SENP7: variants seen among roughly 807,000 people sequenced by gnomAD.
SENP7 encodes SUMO specific peptidase 7.
SENP7 carries 64 observed loss-of-function variants against 141.2 expected under a neutral mutation model. The ratio of observed to expected loss-of-function variants is 0.45; its 90% CI spans 0.37 to 0.56. The LOEUF is 0.56. SENP7 is among the 20% of genes least tolerant of loss of function. The pLI, the probability that SENP7 is intolerant of heterozygous loss-of-function variation, is 0.00. For synonymous variants in SENP7, 382 were observed against 426.4 expected (o/e 0.90, Z 1.28); for missense variants, 1,025 against 1,212.2 (o/e 0.85, Z 2.29).
At chr3:101,427,550 A>G (rs2062005508) in intron 4 of SENP7, among the ~76,000 whole-genome samples, 2 of 151,796 alleles carry the variant, frequency 1.3e-5, no homozygotes, top group African/African-American at 4.8e-5. Flanking sequence ...CAAAAACCAC[A>G]TGATTACCTC....
At chr3:101,498,052 C>A (rs1006060868) in intron 2 of SENP7, among the ~76,000 whole-genome samples, 60 of 152,288 alleles carry the variant, frequency 3.9e-4, no homozygotes, top group African/African-American at 1.4e-3. Flanking sequence ...CCACCTTGGC[C>A]TCCCAAAGTG....
intron 20 of SENP7, among the ~76,000 whole-genome samples, chr3:101,329,279 A>G (rs1162489404): frequency 6.6e-6 from 1 of 152,182 alleles, no homozygotes; most frequent in Non-Finnish European, 1.5e-5. Context: ...TGACCTTGGA[A>G]TCCTGCTTAT....
chr3:101,401,582 AAT>A (rs2061145341), intron 5 of SENP7, among the ~76,000 whole-genome samples: 1 of 152,134 alleles, frequency 6.6e-6, no homozygotes, highest in East Asian at 1.9e-4. Context: ...TGAACACACA[AAT>A]AATAAGAAAG....
chr3:101,478,505 A>T (rs1233271359), intron 3 of SENP7, among the ~76,000 whole-genome samples: 1 of 152,204 alleles, frequency 6.6e-6, no homozygotes, highest in Non-Finnish European at 1.5e-5. Context: ...AGCCTGGACA[A>T]CAGAGCAAGA....
rs146918581 is a variant in SENP7 at position 101,386,929 on chromosome 3, C to A, written c.677+11932G>T. ...GCACTAGCACATGCCATACAGGGGCCTAAAAATAGGCAAGCCCTGCCAACG... is the reference window on the plus strand; with the variant it reads ...GCACTAGCACATGCCATACAGGGGCATAAAAATAGGCAAGCCCTGCCAACG... On this transcript the variant is annotated intron_variant, in intron 6 of 23. Transcript: ENST00000394095. Among the ~76,000 whole-genome samples, 176 of 152,326 alleles carry A rather than the reference C, an allele frequency of 1.2e-3. 2 individuals carry two copies. In the East Asian group the frequency reaches 0.029, roughly 25 times the overall value.
chr3:101,464,961 A>C (rs545119489), intron 3 of SENP7, among the ~76,000 whole-genome samples: 7 of 152,216 alleles, frequency 4.6e-5, no homozygotes, highest in Non-Finnish European at 8.8e-5. Flanking sequence ...TTTAAAAAAG[A>C]ATGAAAATAC....
intron 6 of SENP7, among the ~76,000 whole-genome samples, chr3:101,376,787 A>T (rs531196189): frequency 7.2e-5 from 11 of 152,298 alleles, no homozygotes; most frequent in East Asian, 5.8e-4. Flanking sequence ...AGTATAATTT[A>T]AAAAAATGCA....
chr3:101,433,488 G>A (rs2062263139), intron 4 of SENP7, among the ~76,000 whole-genome samples: 1 of 151,986 alleles, frequency 6.6e-6, no homozygotes, highest in Non-Finnish European at 1.5e-5. Flanking sequence ...CTGGCTGAAT[G>A]GATGAAAAAC....
At chr3:101,342,232 G>A (rs2059345553) in intron 14 of SENP7, among the ~76,000 whole-genome samples, 1 of 152,072 alleles carries the variant, frequency 6.6e-6, no homozygotes, top group Non-Finnish European at 1.5e-5. Flanking sequence ...CACTAATGTG[G>A]CTTTCTATAG....
intron 3 of SENP7, among the ~76,000 whole-genome samples, chr3:101,463,404 T>C (rs1325594638): frequency 1.8e-5 from 2 of 110,316 alleles, no homozygotes; most frequent in Non-Finnish European, 3.7e-5. Flanking sequence ...TATACATATA[T>C]ATATATATAT....
At chr3:101,465,391 C>T (rs59255886) in intron 3 of SENP7, among the ~76,000 whole-genome samples, 1,530 of 152,298 alleles carry the variant, frequency 0.01, 28 homozygotes, top group African/African-American at 0.035. Context: ...ACACACCACT[C>T]AGGCAACTAA....
At chr3:101,341,998 C>G (rs1199103779) in intron 14 of SENP7, among the ~76,000 whole-genome samples, 2 of 151,988 alleles carry the variant, frequency 1.3e-5, no homozygotes, top group African/African-American at 2.4e-5. Context: ...GTACTATTTG[C>G]AGATATGGAC....
chr3:101,499,044 A>G (rs1292638682), intron 2 of SENP7, among the ~76,000 whole-genome samples: 1 of 152,148 alleles, frequency 6.6e-6, no homozygotes, highest in Non-Finnish European at 1.5e-5. Flanking sequence ...TTTTGTAATC[A>G]TACCGTAGTT....
At chr3:101,467,791 C>T (rs539740154) in intron 3 of SENP7, among the ~76,000 whole-genome samples, 2 of 152,280 alleles carry the variant, frequency 1.3e-5, no homozygotes, top group South Asian at 4.1e-4. Context: ...AATCGGAGCA[C>T]CTCGTCTCCT....
At position 101,351,649 on chromosome 3, in the gene SENP7, G is replaced by T; in HGVS notation, c.1626C>A (p.Ile542=). The T allele has an allele frequency of 7.5e-7, 1 of 1,342,210 alleles. No individual in the cohort carries two copies. The highest frequency in any genetic ancestry group is 9.7e-7 in the Non-Finnish European group (1 of 1,025,926). 83.1% of individuals were successfully genotyped at this position (1,342,210 alleles called of 1,614,324 possible). Residue 542 remains isoleucine (I), a splice_region_variant and synonymous_variant, in exon 12 of 24, where the codon ATC becomes ATA. Coordinates refer to ENST00000394095, the MANE Select transcript of SENP7 (RefSeq NM_020654.5). The part of the protein sequence containing the change: ...IKGASKGCVT[I]TKKYIKIPFQ... ...ATGGGATCTTAATATATTTTTTTGTGATCTGAAGAAAAAATTAAAAAGCAA... is the reference window on the plus strand; with the variant it reads ...ATGGGATCTTAATATATTTTTTTGTTATCTGAAGAAAAAATTAAAAAGCAA...
At chr3:101,346,025 C>A (rs1204440338) in intron 13 of SENP7, among the ~76,000 whole-genome samples, 1 of 152,094 alleles carries the variant, frequency 6.6e-6, no homozygotes, top group Admixed American at 6.5e-5. Context: ...ATGCATCCAA[C>A]AAAGGACTAA....
chr3:101,393,226 G>T (rs2060865218), intron 6 of SENP7, among the ~76,000 whole-genome samples: 1 of 152,090 alleles, frequency 6.6e-6, no homozygotes, highest in Non-Finnish European at 1.5e-5. Context: ...CATAAGACCT[G>T]AAAATGTAAA....
At position 101,469,826 on chromosome 3, in the gene SENP7, G is replaced by A. The variant is rs1458479764; in HGVS notation, c.187-10774C>T. ...GGCCTGGGCGACAGAGCAAGACTCC[G>A]TCTCAAAAAAAAAAAAAAAAAAAAA... On this transcript the variant is annotated intron_variant, in intron 3 of 23. Transcript: ENST00000394095. Among the ~76,000 whole-genome samples, 9 of 52,882 alleles carry A rather than the reference G, an allele frequency of 1.7e-4. 1 individual carries two copies. The highest frequency in any genetic ancestry group is 3.4e-4 in the Admixed American group (1 of 2,976). The allele number at this position is 52,882 out of a possible 152,430, so 34.7% of individuals were successfully genotyped here.
intron 18 of SENP7, among the ~76,000 whole-genome samples, chr3:101,332,387 A>G (rs2059080497): frequency 6.6e-6 from 1 of 152,038 alleles, no homozygotes; most frequent in Non-Finnish European, 1.5e-5. Context: ...TAATAAATAG[A>G]CTCATAGCAT....
Sources: gnomAD v4.1 joint callset for allele counts (sites outside exome capture counted in the v4.1 genomes callset) on GRCh38, gnomAD v4.1.1 for gene constraint, MANE v1.5 for transcripts, NCBI Gene and HGNC (gene_info 2026-07-23, HGNC 2026-07-21) for gene names.